Variants in FER observed in about 807,000 individuals in gnomAD.
FER encodes the protein FER tyrosine kinase.
A neutral mutation model predicts 111.0 loss-of-function variants in FER; 63 were observed. The observed-to-expected ratio is 0.57, with a 90% CI of 0.46 to 0.70. The LOEUF (loss-of-function observed/expected upper bound fraction) is 0.70. Among genes scored for constraint, FER ranks in the 30% least tolerant of loss-of-function variants. FER has a pLI of 0.00. For synonymous variants in FER, 327 were observed against 313.9 expected (o/e 1.04, Z -0.44); for missense variants, 914 against 954.0 (o/e 0.96, Z 0.55).
chr5:109,019,337 C>A (rs903965726), intron 13 of FER, among the ~76,000 whole-genome samples: 4 of 151,632 alleles, frequency 2.6e-5, no homozygotes. Context: ...CTAATATATC[C>A]TGCTCAAAAC....
chr5:108,767,066 C>G (rs559241280), intron 1 of FER, among the ~76,000 whole-genome samples: 4 of 152,044 alleles, frequency 2.6e-5, no homozygotes, highest in Non-Finnish European at 5.9e-5. Flanking sequence ...TTTGGGAGGC[C>G]GAGATGGGTG....
chr5:108,749,470 C>T (rs994524519), intron 1 of FER, among the ~76,000 whole-genome samples: 4 of 152,010 alleles, frequency 2.6e-5, no homozygotes, highest in African/African-American at 9.7e-5. Context: ...CTTTTCTCGG[C>T]GGCACTCATC....
intron 14 of FER, among the ~76,000 whole-genome samples, chr5:109,042,545 A>G (rs138586519): frequency 8.5e-5 from 13 of 152,316 alleles, no homozygotes; most frequent in African/African-American, 2.4e-4. Flanking sequence ...TAAAGTTGAC[A>G]TTCTCTGGAT....
At chr5:108,884,708 A>T (rs148533306) in intron 9 of FER, among the ~76,000 whole-genome samples, 3 of 151,800 alleles carry the variant, frequency 2.0e-5, no homozygotes, top group Admixed American at 6.6e-5. Context: ...TTAAATCTCC[A>T]TATTTTTTCC....
intron 10 of FER, among the ~76,000 whole-genome samples, chr5:108,904,142 T>G (rs568837664): frequency 0.016 from 2,427 of 152,280 alleles, 75 homozygotes; most frequent in African/African-American, 0.056. Flanking sequence ...TTTTAGGTTT[T>G]GGGGATACAG....
intron 13 of FER, among the ~76,000 whole-genome samples, chr5:109,021,517 A>G (rs781264556): frequency 4.6e-5 from 7 of 152,098 alleles, no homozygotes; most frequent in Non-Finnish European, 1.0e-4. Context: ...ACTAGAATCT[A>G]TTAGAATAAA....
Position 108,946,196 on chromosome 5 carries a change from C to G in FER, c.1303C>G (p.Pro435Ala). ...RHSIAGIIRS[P>A]KSALGSSALS... ...TTCAATTGCTGGAATAATTAGGTCTCCAAAATCTGCACTGGGCTCTTCAGC... is the reference window on the plus strand; with the variant it reads ...TTCAATTGCTGGAATAATTAGGTCTGCAAAATCTGCACTGGGCTCTTCAGC... The change falls in exon 11 of 20, where the codon CCA (proline) becomes GCA (alanine). Residue 435 changes from proline to alanine, a missense_variant. Transcript: ENST00000281092. 1 of 1,611,984 alleles carries G rather than the reference C, an allele frequency of 6.2e-7. No individual in the cohort carries two copies.
chr5:109,107,660 G>T (rs562829080), intron 17 of FER, among the ~76,000 whole-genome samples: 2 of 152,154 alleles, frequency 1.3e-5, no homozygotes, highest in Non-Finnish European at 2.9e-5. Context: ...AGGACTGAAA[G>T]TTCAGCCAGG....
At chr5:109,170,995 T>C (rs974581595) in intron 17 of FER, among the ~76,000 whole-genome samples, 10 of 152,160 alleles carry the variant, frequency 6.6e-5, no homozygotes, top group African/African-American at 2.4e-4. Context: ...CTCCAAATTA[T>C]TGCAAGTGTT....
At chr5:109,072,495 T>C (rs1364326212) in intron 16 of FER, among the ~76,000 whole-genome samples, 1 of 151,874 alleles carries the variant, frequency 6.6e-6, no homozygotes, top group African/African-American at 2.4e-5. Context: ...TTTTCTGTTG[T>C]TGTTACAACG....
intron 17 of FER, among the ~76,000 whole-genome samples, chr5:109,148,837 T>A (rs1475159652): frequency 6.6e-6 from 1 of 152,132 alleles, no homozygotes; most frequent in Non-Finnish European, 1.5e-5. Context: ...GCATTGTAAG[T>A]ACCAGAATAG....
chr5:108,788,573 A>G (rs555893029), intron 2 of FER, among the ~76,000 whole-genome samples: 7 of 150,356 alleles, frequency 4.7e-5, no homozygotes, highest in South Asian at 2.1e-4. Context: ...TGACTCTGCC[A>G]GACCCCTGTT....
chr5:109,002,403 G>C (rs1455567765), intron 13 of FER, among the ~76,000 whole-genome samples: 2 of 151,512 alleles, frequency 1.3e-5, no homozygotes, highest in African/African-American at 2.4e-5. Flanking sequence ...ATGGTGCTGG[G>C]AAAACTGGCT....
intron 16 of FER, among the ~76,000 whole-genome samples, chr5:109,094,207 A>ACT (rs554352327): frequency 1.7e-3 from 263 of 151,644 alleles, no homozygotes; most frequent in African/African-American, 6.0e-3. Context: ...AAATAACAGT[A>ACT]CTATTGAACT....
chr5:108,830,382 A>T (rs1277219129), intron 3 of FER, among the ~76,000 whole-genome samples: 1 of 152,160 alleles, frequency 6.6e-6, no homozygotes, highest in Non-Finnish European at 1.5e-5. Flanking sequence ...TGGACCCAGG[A>T]GGTGGAGGTT....
intron 10 of FER, among the ~76,000 whole-genome samples, chr5:108,923,801 A>G (rs1314252179): frequency 3.3e-5 from 5 of 152,108 alleles, no homozygotes; most frequent in Non-Finnish European, 7.4e-5. Flanking sequence ...GACCTTAGAG[A>G]TCATTTACAC....
chr5:108,846,645 C>T (rs1287116700), intron 5 of FER, among the ~76,000 whole-genome samples: 11 of 151,790 alleles, frequency 7.2e-5, no homozygotes, highest in Non-Finnish European at 1.3e-4. Context: ...TGCAGTGGCG[C>T]GATCACGGCC....
At chr5:108,812,392 C>T (rs539471274) in intron 3 of FER, among the ~76,000 whole-genome samples, 6 of 152,194 alleles carry the variant, frequency 3.9e-5, no homozygotes, top group Non-Finnish European at 5.9e-5. Flanking sequence ...AATATAACCA[C>T]GCTGGGTTTC....
intron 13 of FER, among the ~76,000 whole-genome samples, chr5:109,035,170 A>G (rs1245900655): frequency 1.3e-5 from 2 of 151,514 alleles, no homozygotes; most frequent in Non-Finnish European, 2.9e-5. Flanking sequence ...AATAGGTAGG[A>G]CTGCAAGTGT....
Sources: allele counts gnomAD v4.1 joint callset (sites outside exome capture counted in the v4.1 genomes callset), GRCh38; gene constraint gnomAD v4.1.1; transcripts MANE v1.5; gene names NCBI Gene and HGNC (gene_info 2026-07-23, HGNC 2026-07-21).